The following TSNARE1 variants were observed in gnomAD, a reference collection of about 807,000 sequenced individuals.
TSNARE1 encodes t-SNARE domain containing 1, also known as t-SNARE domain-containing protein 1.
Under a neutral mutation model 62.0 loss-of-function variants are expected in TSNARE1, and 49 were observed. The observed-to-expected ratio is 0.79, with a 90% confidence interval of 0.63 to 1.00. The LOEUF is 1.00. TSNARE1 is among the 50% of genes least tolerant of loss of function. The pLI is 0.00. For synonymous variants in TSNARE1, 328 were observed against 294.4 expected (o/e 1.11, Z -1.17); for missense variants, 755 against 700.1 (o/e 1.08, Z -0.88).
chr8:142,276,024 A>C (rs1482443027), intron 11 of TSNARE1: 2 of 985,298 alleles, frequency 2.0e-6, no homozygotes, highest in African/African-American at 3.5e-5. Flanking sequence ...CCCAGGCCTC[A>C]CAGGGATCCT....
intron 11 of TSNARE1, chr8:142,275,879 G>A (rs1820398585): frequency 2.0e-6 from 2 of 985,192 alleles, no homozygotes; most frequent in South Asian, 4.7e-5. Context: ...AGGGAGGAGG[G>A]TCCTCAGAAA....
intron 4 of TSNARE1, among the ~76,000 whole-genome samples, chr8:142,334,017 T>C (rs1349492092): frequency 6.6e-6 from 1 of 152,234 alleles, no homozygotes; most frequent in African/African-American, 2.4e-5. Flanking sequence ...CCTCCTTACA[T>C]ATTTTCAGTT....
intron 12 of TSNARE1, among the ~76,000 whole-genome samples, chr8:142,267,413 G>C (rs1819193097): frequency 6.6e-6 from 1 of 152,222 alleles, no homozygotes; most frequent in Non-Finnish European, 1.5e-5. Context: ...ATTTGAGCCA[G>C]ATGGATGAGG....
chr8:142,245,228 T>A (rs1201088315), intron 12 of TSNARE1, among the ~76,000 whole-genome samples: 2 of 152,136 alleles, frequency 1.3e-5, no homozygotes, highest in African/African-American at 4.8e-5. Context: ...CTACTGCTGG[T>A]GAAAATGCAA....
At chr8:142,386,835 GAGAAACAGAC>G (rs1315869154) in intron 1 of TSNARE1, among the ~76,000 whole-genome samples, 3 of 152,166 alleles carry the variant, frequency 2.0e-5, no homozygotes, top group African/African-American at 7.2e-5. Flanking sequence ...GAGCCACAAG[GAGAAACAGAC>G]AGAAACATAT....
At chr8:142,334,222 C>T (rs1392389834) in intron 4 of TSNARE1, among the ~76,000 whole-genome samples, 1 of 152,372 alleles carries the variant, frequency 6.6e-6, no homozygotes, top group East Asian at 1.9e-4. Context: ...TGTCACTTTC[C>T]TTTTGCTGTC....
At chr8:142,342,843 C>G (rs1832768780) in intron 4 of TSNARE1, among the ~76,000 whole-genome samples, 1 of 150,692 alleles carries the variant, frequency 6.6e-6, no homozygotes, top group South Asian at 2.1e-4. Flanking sequence ...GACACCTGTT[C>G]CAGCACCTGT....
chr8:142,235,126 G>A (rs1817339983), intron 12 of TSNARE1, among the ~76,000 whole-genome samples: 1 of 152,184 alleles, frequency 6.6e-6, no homozygotes, highest in Non-Finnish European at 1.5e-5. Context: ...GGACCAAGGG[G>A]AACCTGCCTG....
At chr8:142,353,500 G>C (rs1397776103) in intron 2 of TSNARE1, among the ~76,000 whole-genome samples, 1 of 152,150 alleles carries the variant, frequency 6.6e-6, no homozygotes, top group Non-Finnish European at 1.5e-5. Context: ...AGATGAGGAG[G>C]GGCACTTGGT....
intron 3 of TSNARE1, 125 bp from the exon 4 acceptor site, chr8:142,344,597 C>T: frequency 9.8e-7 from 1 of 1,017,126 alleles, no homozygotes; most frequent in Non-Finnish European, 1.4e-6. Flanking sequence ...CTGGTCCTGG[C>T]CACCACCCCT....
At chr8:142,397,964 G>A (rs1252231222) in intron 1 of TSNARE1, among the ~76,000 whole-genome samples, 1 of 152,076 alleles carries the variant, frequency 6.6e-6, no homozygotes, top group Non-Finnish European at 1.5e-5. Context: ...TGGGCCCCGG[G>A]TTCCCTGCTC....
intron 10 of TSNARE1, among the ~76,000 whole-genome samples, chr8:142,286,009 C>T (rs1228708960): frequency 3.3e-5 from 5 of 152,188 alleles, no homozygotes; most frequent in Admixed American, 6.5e-5. Flanking sequence ...CAGGGCCTCT[C>T]GGAAAGGGGA....
intron 4 of TSNARE1, among the ~76,000 whole-genome samples, chr8:142,337,097 G>T (rs927212916): frequency 7.2e-5 from 11 of 152,048 alleles, no homozygotes; most frequent in African/African-American, 2.2e-4. Context: ...GCAGGAGAAA[G>T]AAATAATAAA....
chr8:142,214,858 G>T (rs1373772076), intron 13 of TSNARE1, among the ~76,000 whole-genome samples: 1 of 152,178 alleles, frequency 6.6e-6, no homozygotes, highest in Non-Finnish European at 1.5e-5. Flanking sequence ...CAGCCCTGGC[G>T]GCACCCTGAT....
At chr8:142,379,549 T>C (rs1183897920) in intron 1 of TSNARE1, among the ~76,000 whole-genome samples, 4 of 152,204 alleles carry the variant, frequency 2.6e-5, no homozygotes, top group Admixed American at 2.0e-4. Context: ...CACTTGTCCT[T>C]ACACCTTCGT....
Position 142,270,063 on chromosome 8 carries a change from A to G in TSNARE1, c.1446+4718T>C, listed in dbSNP as rs1002545321. The G allele has an allele frequency of 3.0e-6, 3 of 985,310 alleles. No homozygotes were observed. The African/African-American group carries it at 5.2e-5, about 17-fold the overall frequency. The allele number at this position is 985,310 out of a possible 1,614,324, so 61.0% of individuals were successfully genotyped here. A position where few individuals can be genotyped will look rare whatever the true frequency, so the allele number is the denominator to read the frequency against. ...TCAGCCAGCATCTTGCTCCTGGGAC[A>G]GGCTTTGGGCCATGGGAGCCAGGCA... is the stretch of plus-strand genomic sequence containing the variant. On this transcript the variant is annotated intron_variant, in intron 12 of 13. Transcript: ENST00000524325.
intron 10 of TSNARE1, among the ~76,000 whole-genome samples, chr8:142,290,370 A>T (rs1191291557): frequency 6.6e-6 from 1 of 152,174 alleles, no homozygotes; most frequent in Non-Finnish European, 1.5e-5. Flanking sequence ...TAGATGGTTA[A>T]ATCATGCAAT....
At chr8:142,309,310 A>C (rs1199715337) in intron 9 of TSNARE1, among the ~76,000 whole-genome samples, 1 of 152,194 alleles carries the variant, frequency 6.6e-6, no homozygotes, top group African/African-American at 2.4e-5. Flanking sequence ...CAGAAACCAC[A>C]GTACTAGATG....
intron 2 of TSNARE1, among the ~76,000 whole-genome samples, chr8:142,349,446 T>C (rs543298981): frequency 6.6e-6 from 1 of 152,140 alleles, no homozygotes; most frequent in Non-Finnish European, 1.5e-5. Context: ...GTGGTAAATA[T>C]TCAATCTGGG....
Sources: gnomAD v4.1 joint callset for allele counts (sites outside exome capture counted in the v4.1 genomes callset) on GRCh38, gnomAD v4.1.1 for gene constraint, MANE v1.5 for transcripts, NCBI Gene and HGNC (gene_info 2026-07-23, HGNC 2026-07-21) for gene names.